AFG1L: variants seen among roughly 807,000 people sequenced by gnomAD.
AFG1L encodes the protein AFG1-like ATPase.
AFG1L carries 53 observed loss-of-function variants against 62.2 expected under a neutral mutation model. The observed-to-expected ratio is 0.85, with a 90% confidence interval of 0.68 to 1.07. The LOEUF (loss-of-function observed/expected upper bound fraction) is 1.07, where lower values mean the gene tolerates loss of function less well. Among genes scored for constraint, AFG1L ranks in the 50% least tolerant of loss-of-function variants. The pLI is 0.00. For missense variants in AFG1L, 555 were observed against 590.5 expected (o/e 0.94, Z 0.62); for synonymous variants, 228 against 210.3 (o/e 1.08, Z -0.73).
intron 6 of AFG1L, among the ~76,000 whole-genome samples, chr6:108,367,364 C>T (rs1288418703): frequency 6.6e-6 from 1 of 152,082 alleles, no homozygotes; most frequent in Non-Finnish European, 1.5e-5. Context: ...TATGGGGTTT[C>T]AGGGTTAGAA....
chr6:108,485,984 T>A (rs1458671260), intron 10 of AFG1L, among the ~76,000 whole-genome samples: 3 of 152,000 alleles, frequency 2.0e-5, no homozygotes, highest in Non-Finnish European at 4.4e-5. Context: ...CATTAATTTT[T>A]TAAAAATAGA....
At chr6:108,379,473 C>A (rs1780403376) in intron 6 of AFG1L, among the ~76,000 whole-genome samples, 1 of 152,192 alleles carries the variant, frequency 6.6e-6, no homozygotes. Flanking sequence ...AGGCGATTAG[C>A]TGATTTGTAG....
chr6:108,359,741 C>G (rs1779449435), intron 5 of AFG1L: 1 of 152,194 alleles, frequency 6.6e-6, no homozygotes, highest in Non-Finnish European at 1.5e-5. Flanking sequence ...CAGAGGGAAG[C>G]TCTTCTTAGT....
At chr6:108,384,485 A>G (rs982553174) in intron 6 of AFG1L, among the ~76,000 whole-genome samples, 1 of 152,232 alleles carries the variant, frequency 6.6e-6, no homozygotes, top group Non-Finnish European at 1.5e-5. Flanking sequence ...TTGCCTACTA[A>G]AGCAAAAATA....
chr6:108,361,009 C>A (rs1392839362), intron 5 of AFG1L, among the ~76,000 whole-genome samples: 1 of 152,246 alleles, frequency 6.6e-6, no homozygotes, highest in Non-Finnish European at 1.5e-5. Flanking sequence ...GAGCGGCTGG[C>A]AACCCTGCCC....
chr6:108,444,057 C>CATCTATCTATCTATCTATCT (rs60098143), intron 7 of AFG1L, among the ~76,000 whole-genome samples: 1 of 145,136 alleles, frequency 6.9e-6, no homozygotes, highest in Non-Finnish European at 1.5e-5. Flanking sequence ...GAATATCTCC[C>CATCTATCTATCTATCTATCT]ATCTATCTAT....
At chr6:108,414,003 A>G (rs939400746) in intron 7 of AFG1L, among the ~76,000 whole-genome samples, 4 of 152,200 alleles carry the variant, frequency 2.6e-5, no homozygotes, top group Non-Finnish European at 5.9e-5. Context: ...TGAAAGGATC[A>G]ACAAAATTGA....
chr6:108,326,152 C>T (rs1778033824), intron 2 of AFG1L, among the ~76,000 whole-genome samples: 3 of 152,146 alleles, frequency 2.0e-5, no homozygotes, highest in South Asian at 4.1e-4. Context: ...TCACTAGTAG[C>T]CTTGAAGTCC....
rs549444210 is a variant in AFG1L at position 108,490,861 on chromosome 6, A to C, written c.1062+13569A>C. On this transcript the variant is annotated intron_variant, in intron 10 of 12. Transcript: ENST00000368977. Reference sequence around the variant, plus strand: ...TTGAAAACCCACCTTCTCTAAGAATATCTCTCTCTACTGACGGATGCTCAG... The same window carrying C: ...TTGAAAACCCACCTTCTCTAAGAATCTCTCTCTCTACTGACGGATGCTCAG... 3.9e-5 allele frequency among the ~76,000 whole-genome samples: 6 copies of C among 152,330 alleles called. No homozygotes were observed. In the South Asian group the frequency reaches 8.3e-4, roughly 21 times the overall value.
intron 1 of AFG1L, among the ~76,000 whole-genome samples, chr6:108,316,189 G>T (rs1251052533): frequency 6.6e-6 from 1 of 151,360 alleles, no homozygotes; most frequent in East Asian, 2.0e-4. Context: ...AGACCATCCT[G>T]GCTAAAACGG....
At chr6:108,443,898 A>G (rs1771651913) in intron 7 of AFG1L, among the ~76,000 whole-genome samples, 1 of 152,086 alleles carries the variant, frequency 6.6e-6, no homozygotes, top group African/African-American at 2.4e-5. Flanking sequence ...GCATTTTTTC[A>G]TTAATAAAAA....
intron 6 of AFG1L, among the ~76,000 whole-genome samples, chr6:108,397,896 A>G (rs1229084015): frequency 1.3e-5 from 2 of 152,180 alleles, no homozygotes; most frequent in East Asian, 3.8e-4. Flanking sequence ...GTTATTGTGA[A>G]CAGTGCTGTA....
At chr6:108,347,541 C>G (rs544759397) in intron 3 of AFG1L, among the ~76,000 whole-genome samples, 167 of 152,240 alleles carry the variant, frequency 1.1e-3, no homozygotes, top group African/African-American at 3.9e-3. Context: ...TCTCCCAGTT[C>G]TAGACATTGG....
chr6:108,497,531 T>G (rs1774021109), intron 10 of AFG1L, among the ~76,000 whole-genome samples: 1 of 152,078 alleles, frequency 6.6e-6, no homozygotes, highest in Non-Finnish European at 1.5e-5. Flanking sequence ...ATTTCTCTGC[T>G]TGTATTTGAT....
chr6:108,493,021 A>G (rs1312595566), intron 10 of AFG1L, among the ~76,000 whole-genome samples: 1 of 152,178 alleles, frequency 6.6e-6, no homozygotes, highest in African/African-American at 2.4e-5. Context: ...GTGTTCCTGG[A>G]TCTGGAAAGT....
intron 6 of AFG1L, among the ~76,000 whole-genome samples, chr6:108,388,742 C>T (rs1394500174): frequency 1.3e-5 from 2 of 148,546 alleles, no homozygotes; most frequent in Non-Finnish European, 1.5e-5. Context: ...GTCTGAGAGA[C>T]AGTTTGTTAT....
At chr6:108,340,273 T>C (rs1378369519) in intron 2 of AFG1L, among the ~76,000 whole-genome samples, 3 of 152,134 alleles carry the variant, frequency 2.0e-5, no homozygotes, top group Non-Finnish European at 4.4e-5. Context: ...TGTGTATTCT[T>C]GCCCATAATA....
intron 8 of AFG1L, among the ~76,000 whole-genome samples, chr6:108,468,661 C>T (rs1400125475): frequency 6.6e-6 from 1 of 151,940 alleles, no homozygotes; most frequent in Non-Finnish European, 1.5e-5. Flanking sequence ...CCCCTCCACC[C>T]CACCTCATAT....
intron 4 of AFG1L, 54 bp from the exon 5 acceptor site, chr6:108,356,636 A>AT: frequency 8.0e-7 from 1 of 1,254,262 alleles, no homozygotes; most frequent in Non-Finnish European, 1.1e-6. Flanking sequence ...ATATGTTATA[A>AT]TTGTCTAAAA....
Sources: allele counts gnomAD v4.1 joint callset (sites outside exome capture counted in the v4.1 genomes callset), GRCh38; gene constraint gnomAD v4.1.1; transcripts MANE v1.5; gene names NCBI Gene and HGNC (gene_info 2026-07-23, HGNC 2026-07-21).